Variants in DRC7 observed in about 807,000 individuals in gnomAD.
The protein encoded by DRC7 is coiled-coil domain containing 135.
In DRC7, 80 loss-of-function variants were observed where a neutral mutation model predicts 104.4. The ratio of observed to expected loss-of-function variants is 0.77; its 90% CI spans 0.64 to 0.92. The LOEUF is 0.92. DRC7 is among the 40% of genes least tolerant of loss of function. The pLI is 0.00. For missense variants in DRC7, 1,034 were observed against 1,141.1 expected, an observed-to-expected ratio of 0.91 and a Z score of 1.35; for synonymous variants, 405 against 447.3, an observed-to-expected ratio of 0.91 and a Z score of 1.19.
chr16:57,726,769 C>G (rs539194996), intron 14 of DRC7, 63 bp from the exon 15 acceptor site: 5 of 1,013,762 alleles, frequency 4.9e-6, no homozygotes, highest in Non-Finnish European at 7.6e-6. Flanking sequence ...GATTTGAACC[C>G]AGGTGGTCCT....
chr16:57,707,843 A>T (rs1306585283), intron 8 of DRC7, 165 bp downstream of exon 8: 1 of 643,690 alleles, frequency 1.6e-6, no homozygotes, highest in South Asian at 1.8e-5. Flanking sequence ...CTTGCCCATG[A>T]ATAACCATTC....
intron 7 of DRC7, among the ~76,000 whole-genome samples, chr16:57,706,494 CCATG>C (rs2048730215): frequency 6.9e-6 from 1 of 145,394 alleles, no homozygotes; most frequent in Non-Finnish European, 1.5e-5. Context: ...GTCCTCTCAT[CCATG>C]CTTCCATCCA....
In DRC7 at chr16:57,726,391, G is replaced by T. The variant is rs2048966036; in HGVS notation, c.1974+108G>T. On this transcript the variant is annotated intron_variant, in intron 14 of 18. Transcript: ENST00000360716. ...CCAGGATGGGCGCTGGTGAATCCCG[G>T]CGAGGAAATTCATCTTTGCTCTTTG... 1.2e-5 allele frequency: 11 copies of T among 922,278 alleles called. No individual in the cohort carries two copies. In the South Asian group the frequency reaches 1.6e-4, roughly 13 times the overall value. 57.1% of individuals were successfully genotyped at this position (922,278 alleles called of 1,614,324 possible). A position where few individuals can be genotyped will look rare whatever the true frequency, so the allele number is the denominator to read the frequency against.
At chr16:57,718,274 C>T (rs202141326) in intron 8 of DRC7, 73 bp from the exon 9 acceptor site, 3 of 1,563,914 alleles carry the variant, frequency 1.9e-6, no homozygotes, top group Non-Finnish European at 2.6e-6. Context: ...AGCCATCTCC[C>T]AACTCCCCAT....
intron 13 of DRC7, 58 bp downstream of exon 13, chr16:57,724,893 C>G: frequency 7.2e-7 from 1 of 1,383,650 alleles, no homozygotes; most frequent in Non-Finnish European, 1.0e-6. Context: ...GCTGATGTCA[C>G]CTCTGAATGG....
chr16:57,714,345 G>T (rs112650649), intron 8 of DRC7: 2 of 176,728 alleles, frequency 1.1e-5, no homozygotes, highest in African/African-American at 2.4e-5. Context: ...CTCTGGTGGG[G>T]CATGGCGGCT....
At chr16:57,713,479 G>A (rs1487018575) in intron 8 of DRC7, among the ~76,000 whole-genome samples, 2 of 152,174 alleles carry the variant, frequency 1.3e-5, no homozygotes, top group African/African-American at 4.8e-5. Flanking sequence ...CTATCGGTAT[G>A]AAATAATCAG....
chr16:57,695,906 G>A (rs190911078), intron 1 of DRC7, among the ~76,000 whole-genome samples: 33 of 152,378 alleles, frequency 2.2e-4, no homozygotes, highest in Admixed American at 1.0e-3. Flanking sequence ...GGAGGCCGAG[G>A]TGGCCCATGT....
At chr16:57,701,618 G>C (rs1359890382) in intron 5 of DRC7, 2 of 249,280 alleles carry the variant, frequency 8.0e-6, no homozygotes, top group Admixed American at 1.0e-4. Flanking sequence ...ATCGAAGGAA[G>C]GGGGAGCATT....
intron 8 of DRC7, among the ~76,000 whole-genome samples, chr16:57,715,770 TGG>T (rs1447625703): frequency 2.0e-5 from 3 of 152,128 alleles, no homozygotes; most frequent in Non-Finnish European, 2.9e-5. Flanking sequence ...AGCACCATGG[TGG>T]TCGGTGTCCT....
chr16:57,726,534 C>T (rs1295881377), intron 14 of DRC7: 2 of 568,456 alleles, frequency 3.5e-6, no homozygotes, highest in Non-Finnish European at 6.3e-6. Context: ...CTGGTCAGGG[C>T]AAACCTCAGA....
intron 6 of DRC7, 110 bp from the exon 7 acceptor site, chr16:57,704,765 GC>G: frequency 7.9e-7 from 1 of 1,272,922 alleles, no homozygotes; most frequent in Non-Finnish European, 1.1e-6. Flanking sequence ...TACAGGAGTA[GC>G]TGCCATCCCC....
intron 8 of DRC7, chr16:57,714,854 G>T: frequency 2.9e-6 from 1 of 339,654 alleles, no homozygotes. Flanking sequence ...ATACATTGCT[G>T]GTGCATGCTA....
chr16:57,698,785 CAG>C, intron 3 of DRC7, 63 bp from the exon 4 acceptor site: 8 of 1,529,418 alleles, frequency 5.2e-6, no homozygotes, highest in Non-Finnish European at 7.2e-6. Flanking sequence ...AATGGCAACT[CAG>C]TGGAACCAGG....
At chr16:57,721,598 C>A in intron 9 of DRC7, 69 bp from the exon 10 acceptor site, 1 of 1,258,314 alleles carries the variant, frequency 7.9e-7, no homozygotes, top group Non-Finnish European at 1.1e-6. Flanking sequence ...AGAGACAGAG[C>A]TTTGACCATA....
rs564439565 is a variant in DRC7 at position 57,718,034 on chromosome 16, C to T, written c.1078-313C>T. ...GCACTGCCCAGCCGATGCGGAAAGA[C>T]CTGCACATCCAGGTCTAGCCCAGGC... On this transcript the variant is annotated intron_variant, in intron 8 of 18. Transcript: ENST00000360716. Among the ~76,000 whole-genome samples the T allele has an allele frequency of 4.6e-5, 7 of 152,348 alleles. 1 individual carries two copies. In the South Asian group the frequency reaches 1.4e-3, roughly 32 times the overall value.
intron 12 of DRC7, among the ~76,000 whole-genome samples, chr16:57,723,397 G>A (rs1296482986): frequency 6.6e-6 from 1 of 152,200 alleles, no homozygotes; most frequent in Non-Finnish European, 1.5e-5. Context: ...GTTGGAATCA[G>A]GCCGGAACCT....
At chr16:57,721,604 C>A in intron 9 of DRC7, 63 bp from the exon 10 acceptor site, 2 of 1,308,334 alleles carry the variant, frequency 1.5e-6, no homozygotes, top group South Asian at 1.2e-5. Flanking sequence ...AGAGCTTTGA[C>A]CATAACTTCT....
chr16:57,704,506 C>T (rs2048691946), intron 6 of DRC7, among the ~76,000 whole-genome samples: 1 of 152,208 alleles, frequency 6.6e-6, no homozygotes, highest in Non-Finnish European at 1.5e-5. Context: ...ATTCTCCCCA[C>T]TTCTGGATCA....
Sources: allele counts gnomAD v4.1 joint callset (sites outside exome capture counted in the v4.1 genomes callset), GRCh38; gene constraint gnomAD v4.1.1; transcripts MANE v1.5; gene names NCBI Gene and HGNC (gene_info 2026-07-23, HGNC 2026-07-21).